Variants in NKAIN3 observed in about 807,000 individuals in gnomAD.
NKAIN3 encodes sodium/potassium-transporting ATPase subunit beta-1-interacting protein 3.
A neutral mutation model predicts 30.2 loss-of-function variants in NKAIN3; 25 were observed. The ratio of observed to expected loss-of-function variants is 0.83; its 90% CI spans 0.60 to 1.16. The LOEUF is 1.16. NKAIN3 is among the 50% of genes most tolerant of loss of function. The probability of loss-of-function intolerance (pLI) is 0.00; values close to 1 mark genes in which losing one functional copy is unlikely to be tolerated. For synonymous variants in NKAIN3, 91 were observed against 89.6 expected, an observed-to-expected ratio of 1.02 and a Z score of -0.09; for missense variants, 225 against 254.1, an observed-to-expected ratio of 0.89 and a Z score of 0.78.
chr8:62,426,540 C>A (rs910392837), intron 1 of NKAIN3, among the ~76,000 whole-genome samples: 1 of 151,836 alleles, frequency 6.6e-6, no homozygotes, highest in African/African-American at 2.4e-5. Context: ...GGGATGTTAC[C>A]CTTTGAAAAC....
At chr8:62,414,787 A>T (rs1440959900) in intron 1 of NKAIN3, among the ~76,000 whole-genome samples, 1 of 151,980 alleles carries the variant, frequency 6.6e-6, no homozygotes, top group Non-Finnish European at 1.5e-5. Flanking sequence ...TAATGAGAAA[A>T]ATCAAGAAAT....
At chr8:62,809,101 T>C (rs1818399720) in intron 4 of NKAIN3, among the ~76,000 whole-genome samples, 1 of 152,202 alleles carries the variant, frequency 6.6e-6, no homozygotes, top group South Asian at 2.1e-4. Flanking sequence ...AAGAGACATA[T>C]GGCTCCGTTC....
intron 4 of NKAIN3, among the ~76,000 whole-genome samples, chr8:62,757,588 G>A (rs1816496974): frequency 6.6e-6 from 1 of 152,124 alleles, no homozygotes; most frequent in Admixed American, 6.6e-5. Flanking sequence ...TAATTTCTCA[G>A]TGCCATGAGA....
In NKAIN3 at chr8:62,856,281, C is replaced by G. The variant is rs1820056826; in HGVS notation, c.472-62172C>G. 3 of 937,420 alleles carry G rather than the reference C, an allele frequency of 3.2e-6. No homozygotes were observed. The African/African-American group carries it at 4.8e-5, about 15-fold the overall frequency. The allele number at this position is 937,420 out of a possible 1,614,324, so 58.1% of individuals were successfully genotyped here. ...GGAGAAGGCTTGAGAGCCCTCTGGA[C>G]CAGATTATAAATGCCCAGAGATCAC... On this transcript the variant is annotated intron_variant, in intron 4 of 6. Coordinates refer to ENST00000623646, the MANE Select transcript of NKAIN3 (RefSeq NM_001304533.3).
intron 1 of NKAIN3, among the ~76,000 whole-genome samples, chr8:62,369,709 T>A (rs1816847113): frequency 6.6e-6 from 1 of 151,814 alleles, no homozygotes; most frequent in Admixed American, 6.6e-5. Context: ...CTCATGCATG[T>A]TTTCAAATCC....
intron 6 of NKAIN3, among the ~76,000 whole-genome samples, chr8:62,963,417 C>T (rs1823626425): frequency 6.6e-6 from 1 of 151,968 alleles, no homozygotes; most frequent in Non-Finnish European, 1.5e-5. Flanking sequence ...TTGCTAAAGC[C>T]CAGAAGCAGA....
intron 4 of NKAIN3, among the ~76,000 whole-genome samples, chr8:62,848,014 C>A (rs1158751859): frequency 6.6e-6 from 1 of 152,056 alleles, no homozygotes; most frequent in East Asian, 1.9e-4. Flanking sequence ...TTTCTGGGTT[C>A]TCTATTGTAT....
intron 1 of NKAIN3, among the ~76,000 whole-genome samples, chr8:62,412,909 CA>C (rs71501599): frequency 2.0e-5 from 2 of 97,916 alleles, no homozygotes; most frequent in Non-Finnish European, 3.9e-5. Flanking sequence ...GAGACTCCGT[CA>C]AAAAAAAAAA....
At chr8:62,667,462 C>T (rs1399635106) in intron 3 of NKAIN3, among the ~76,000 whole-genome samples, 1 of 150,556 alleles carries the variant, frequency 6.6e-6, no homozygotes, top group Admixed American at 6.6e-5. Context: ...GTGATCGCCA[C>T]ACTTTATGCA....
chr8:62,562,910 A>C (rs551507632), intron 1 of NKAIN3, among the ~76,000 whole-genome samples: 1 of 152,074 alleles, frequency 6.6e-6, no homozygotes, highest in Non-Finnish European at 1.5e-5. Flanking sequence ...GTTCTTAGAG[A>C]AACTTTTGGC....
intron 1 of NKAIN3, among the ~76,000 whole-genome samples, chr8:62,530,627 T>A (rs569234417): frequency 2.5e-4 from 38 of 151,950 alleles, no homozygotes; most frequent in African/African-American, 8.7e-4. Flanking sequence ...TGTATTTATT[T>A]ATTATTTATT....
intron 1 of NKAIN3, among the ~76,000 whole-genome samples, chr8:62,498,230 G>A (rs1365910883): frequency 6.6e-6 from 1 of 152,100 alleles, no homozygotes; most frequent in Non-Finnish European, 1.5e-5. Context: ...CACTTGTTGA[G>A]CAGGGAAGAA....
Position 62,977,815 on chromosome 8 carries a change from C to T in NKAIN3, c.*12408C>T, listed in dbSNP as rs1823978917. The T allele has an allele frequency of 6.6e-6, 1 of 152,128 alleles. No homozygotes were observed. Among genetic ancestry groups the T allele is most frequent in the Non-Finnish European group, 1.5e-5 (1 of 68,038 alleles). 9.4% of individuals were successfully genotyped at this position (152,128 alleles called of 1,614,324 possible). ...CGTTCTGGTTTTGGGAATTTTCAGC[C>T]TTATTGGACTGGTTTTTCCTCATCT... On this transcript the variant is annotated 3_prime_UTR_variant, in exon 7 of 7. Coordinates refer to ENST00000623646, the MANE Select transcript of NKAIN3 (RefSeq NM_001304533.3).
chr8:62,599,575 A>T (rs1810931263), intron 3 of NKAIN3, among the ~76,000 whole-genome samples: 1 of 152,156 alleles, frequency 6.6e-6, no homozygotes, highest in Non-Finnish European at 1.5e-5. Context: ...AAATTAACAG[A>T]CATCACAATC....
chr8:62,318,543 A>G (rs1053802284), intron 1 of NKAIN3, among the ~76,000 whole-genome samples: 5 of 150,370 alleles, frequency 3.3e-5, no homozygotes, highest in Non-Finnish European at 5.9e-5. Flanking sequence ...TTCTTCATCT[A>G]TTGAGATAAT....
intron 4 of NKAIN3, among the ~76,000 whole-genome samples, chr8:62,765,596 A>T (rs1023007398): frequency 1.3e-5 from 2 of 152,218 alleles, no homozygotes; most frequent in African/African-American, 4.8e-5. Flanking sequence ...GGATGAGTCA[A>T]CAATAATCCA....
At chr8:62,846,472 C>T (rs1369410143) in intron 4 of NKAIN3, among the ~76,000 whole-genome samples, 1 of 152,040 alleles carries the variant, frequency 6.6e-6, no homozygotes, top group African/African-American at 2.4e-5. Context: ...CTGATGTTCT[C>T]CTTCCTCTCA....
At chr8:62,323,422 G>A (rs890686703) in intron 1 of NKAIN3, among the ~76,000 whole-genome samples, 50 of 152,282 alleles carry the variant, frequency 3.3e-4, no homozygotes, top group African/African-American at 1.1e-3. Flanking sequence ...ACAAAATGAG[G>A]TGGATTACAT....
At chr8:62,584,701 T>A (rs1810415396) in intron 2 of NKAIN3, among the ~76,000 whole-genome samples, 1 of 152,212 alleles carries the variant, frequency 6.6e-6, no homozygotes, top group East Asian at 1.9e-4. Flanking sequence ...CTCTATCCTC[T>A]TGGAAAACCT....
Sources: allele counts gnomAD v4.1 joint callset (sites outside exome capture counted in the v4.1 genomes callset), GRCh38; gene constraint gnomAD v4.1.1; transcripts MANE v1.5; gene names NCBI Gene and HGNC (gene_info 2026-07-23, HGNC 2026-07-21).